RYR2: variants seen among roughly 807,000 people sequenced by gnomAD.
RYR2 encodes cardiac muscle ryanodine receptor-calcium release channel.
Under a neutral mutation model 601.1 loss-of-function variants are expected in RYR2, and 227 were observed. That is an observed-to-expected ratio of 0.38 (90% CI 0.34 to 0.42). The LOEUF (loss-of-function observed/expected upper bound fraction) is 0.42. Among genes scored for constraint, RYR2 ranks in the 10% least tolerant of loss-of-function variants. RYR2 has a pLI of 1.00. For synonymous variants in RYR2, 2,223 were observed against 2,175.1 expected, an observed-to-expected ratio of 1.02 and a Z score of -0.61; for missense variants, 4,646 against 6,156.5, an observed-to-expected ratio of 0.75 and a Z score of 8.21.
chr1:237,549,291 C>T lies in RYR2; in HGVS notation c.3066+701C>T, dbSNP rs139907892. Reference sequence around the variant, plus strand: ...GAAAAGACAAGACAAAACAGTATTTCTGGCTGGGCGGGGTGGCTCACACTT... The same window carrying T: ...GAAAAGACAAGACAAAACAGTATTTTTGGCTGGGCGGGGTGGCTCACACTT... On this transcript the variant is annotated intron_variant, in intron 26 of 104. Coordinates refer to ENST00000366574, the MANE Select transcript of RYR2 (RefSeq NM_001035.3). 3.6e-3 allele frequency among the ~76,000 whole-genome samples: 553 copies of T among 152,246 alleles called. 5 individuals carry two copies. Among genetic ancestry groups the T allele is most frequent in the African/African-American group, 0.012 (516 of 41,558 alleles).
chr1:237,366,659 T>C (rs1321844723), intron 5 of RYR2, among the ~76,000 whole-genome samples: 1 of 150,670 alleles, frequency 6.6e-6, no homozygotes, highest in Non-Finnish European at 1.5e-5. Context: ...TTAATGTGTG[T>C]GTAAACCTCT....
At chr1:237,620,651 G>A (rs1251714028) in intron 38 of RYR2, among the ~76,000 whole-genome samples, 1 of 151,952 alleles carries the variant, frequency 6.6e-6, no homozygotes, top group Admixed American at 6.6e-5. Context: ...AGCAGGAGTA[G>A]CTATGTTACA....
chr1:237,624,453 T>C (rs1679428266), intron 39 of RYR2, among the ~76,000 whole-genome samples: 1 of 152,224 alleles, frequency 6.6e-6, no homozygotes, highest in African/African-American at 2.4e-5. Context: ...GATGGATGCA[T>C]GTGTCCAAGC....
chr1:237,238,845 A>G (rs973596978), intron 1 of RYR2, among the ~76,000 whole-genome samples: 1 of 150,686 alleles, frequency 6.6e-6, no homozygotes, highest in Non-Finnish European at 1.5e-5. Flanking sequence ...ATTTACTAGC[A>G]TTTGTAAGTA....
At chr1:237,627,619 G>A (rs1264734908) in intron 40 of RYR2, among the ~76,000 whole-genome samples, 188 bp from the exon 41 acceptor site, 2 of 152,160 alleles carry the variant, frequency 1.3e-5, no homozygotes, top group Non-Finnish European at 2.9e-5. Context: ...TTGCATGATT[G>A]TAACTGATCT....
chr1:237,239,776 A>T (rs1685954607), intron 1 of RYR2, among the ~76,000 whole-genome samples: 1 of 152,220 alleles, frequency 6.6e-6, no homozygotes, highest in Non-Finnish European at 1.5e-5. Context: ...TTTGATTATC[A>T]TACAGCAGTG....
At chr1:237,371,420 G>A (rs1159645586) in intron 6 of RYR2, among the ~76,000 whole-genome samples, 1 of 152,142 alleles carries the variant, frequency 6.6e-6, no homozygotes, top group Non-Finnish European at 1.5e-5. Context: ...GCCTCCCAAA[G>A]TCCTGGGATT....
intron 24 of RYR2, among the ~76,000 whole-genome samples, chr1:237,513,775 G>A (rs575845713): frequency 1.2e-4 from 18 of 152,286 alleles, no homozygotes; most frequent in African/African-American, 3.1e-4. Context: ...TAGGCTCTAC[G>A]ATCTAGGTTT....
intron 1 of RYR2, among the ~76,000 whole-genome samples, chr1:237,229,489 T>A (rs187012459): frequency 6.6e-6 from 1 of 152,252 alleles, no homozygotes; most frequent in East Asian, 1.9e-4. Flanking sequence ...TGGGGAAAGT[T>A]GGAAGGCTGT....
intron 1 of RYR2, among the ~76,000 whole-genome samples, chr1:237,179,220 C>T (rs748700725): frequency 3.8e-4 from 57 of 151,000 alleles, no homozygotes; most frequent in Non-Finnish European, 7.6e-4. Flanking sequence ...CAGTCATCTT[C>T]AGAAATATTT....
chr1:237,567,495 T>C (rs1186040265), intron 28 of RYR2, among the ~76,000 whole-genome samples: 2 of 147,692 alleles, frequency 1.4e-5, no homozygotes, highest in Non-Finnish European at 3.0e-5. Context: ...GAGGCTGAGG[T>C]GAGAGGATTG....
At chr1:237,085,209 G>T (rs1666172280) in intron 1 of RYR2, among the ~76,000 whole-genome samples, 1 of 152,066 alleles carries the variant, frequency 6.6e-6, no homozygotes, top group Admixed American at 6.5e-5. Context: ...GGGATATTAG[G>T]GTAGTGTTTA....
chr1:237,323,748 C>T (rs1695875752), intron 2 of RYR2, among the ~76,000 whole-genome samples: 2 of 152,180 alleles, frequency 1.3e-5, no homozygotes, highest in African/African-American at 4.8e-5. Context: ...TTTAAACGTG[C>T]TGCTATATCC....
intron 10 of RYR2, among the ~76,000 whole-genome samples, chr1:237,396,074 TTAATG>T (rs762462303): frequency 3.9e-5 from 6 of 152,230 alleles, no homozygotes; most frequent in Non-Finnish European, 8.8e-5. Context: ...CTCTTGCACT[TTAATG>T]TAAGTTTGGT....
intron 36 of RYR2, among the ~76,000 whole-genome samples, chr1:237,612,798 A>G (rs1014024182): frequency 6.6e-6 from 1 of 152,172 alleles, no homozygotes; most frequent in Admixed American, 6.5e-5. Flanking sequence ...AACCAACATA[A>G]CACCTTGTCT....
chr1:237,650,453 C>G (rs1286491154), intron 50 of RYR2, among the ~76,000 whole-genome samples: 1 of 152,136 alleles, frequency 6.6e-6, no homozygotes, highest in Non-Finnish European at 1.5e-5. Flanking sequence ...TGATTTAACT[C>G]ATCTTCTAGA....
intron 46 of RYR2, 42 bp from the exon 47 acceptor site, chr1:237,640,855 T>C: frequency 1.4e-6 from 2 of 1,476,992 alleles, no homozygotes; most frequent in Non-Finnish European, 1.9e-6. Flanking sequence ...AAATGTCAGT[T>C]ATCCCATTTG....
intron 8 of RYR2, among the ~76,000 whole-genome samples, chr1:237,382,067 A>AT (rs1701567847): frequency 6.6e-6 from 1 of 152,132 alleles, no homozygotes; most frequent in Non-Finnish European, 1.5e-5. Flanking sequence ...TTACAAAACA[A>AT]TTTTTTTCTG....
intron 14 of RYR2, among the ~76,000 whole-genome samples, chr1:237,449,184 T>C (rs1231672181): frequency 6.6e-6 from 1 of 152,174 alleles, no homozygotes; most frequent in East Asian, 1.9e-4. Flanking sequence ...TTCTTTTGGA[T>C]TAGCTGAGTA....
Sources: gnomAD v4.1 joint callset for allele counts (sites outside exome capture counted in the v4.1 genomes callset) on GRCh38, gnomAD v4.1.1 for gene constraint, MANE v1.5 for transcripts, NCBI Gene and HGNC (gene_info 2026-07-23, HGNC 2026-07-21) for gene names.